Variants in CFAP54 observed in about 807,000 individuals in gnomAD.
CFAP54 encodes cilia and flagella associated protein 54, also known as cilia- and flagella-associated protein 54.
A neutral mutation model predicts 370.4 loss-of-function variants in CFAP54; 290 were observed. That is an observed-to-expected ratio of 0.78 (90% CI 0.71 to 0.86). The LOEUF is 0.86. Ranked by LOEUF, CFAP54 falls within the 40% of genes least tolerant of loss-of-function variation. The pLI is 0.00. For synonymous variants in CFAP54, 1,206 were observed against 1,236.5 expected (o/e 0.98, Z 0.52); for missense variants, 3,399 against 3,528.7 (o/e 0.96, Z 0.93).
At chr12:96,695,146 C>T (rs1011143202) in intron 45 of CFAP54, among the ~76,000 whole-genome samples, 1 of 152,224 alleles carries the variant, frequency 6.6e-6, no homozygotes, top group Non-Finnish European at 1.5e-5. Context: ...CAAGACATCT[C>T]TAACGATGGA....
chr12:96,650,097 G>A (rs1452334751), intron 35 of CFAP54, 25 bp downstream of exon 35: 2 of 1,574,384 alleles, frequency 1.3e-6, no homozygotes, highest in Non-Finnish European at 1.7e-6. Flanking sequence ...CTTGTTTGCA[G>A]TGTAGTAGAC....
chr12:96,521,395 G>C (rs1301883006), intron 6 of CFAP54, among the ~76,000 whole-genome samples: 21 of 152,164 alleles, frequency 1.4e-4, no homozygotes. Context: ...ACAAAAATGA[G>C]TAAGATCCTT....
intron 66 of CFAP54, among the ~76,000 whole-genome samples, chr12:96,852,736 A>G (rs1959584337): frequency 6.6e-6 from 1 of 152,142 alleles, no homozygotes; most frequent in Non-Finnish European, 1.5e-5. Flanking sequence ...AAATTTTTAT[A>G]TATACCCCAA....
At chr12:96,588,714 T>C (rs1473417424) in intron 22 of CFAP54, among the ~76,000 whole-genome samples, 2 of 152,220 alleles carry the variant, frequency 1.3e-5, no homozygotes, top group African/African-American at 4.8e-5. Context: ...AGTGTAGAAC[T>C]CATTTGGTGA....
chr12:96,565,971 C>T (rs1489733540), intron 19 of CFAP54, among the ~76,000 whole-genome samples: 2 of 152,094 alleles, frequency 1.3e-5, no homozygotes, highest in Non-Finnish European at 2.9e-5. Context: ...AGTTAGTTCT[C>T]GCAAGATCTG....
chr12:96,596,541 G>T (rs2136439348), intron 25 of CFAP54, among the ~76,000 whole-genome samples: 1 of 152,132 alleles, frequency 6.6e-6, no homozygotes, highest in Admixed American at 6.5e-5. Context: ...AATAGAGTTT[G>T]ACCCCTATTT....
In CFAP54 at chr12:96,786,589, T is replaced by C. The variant is rs1054911071; in HGVS notation, c.8456-86T>C. ...TAGCGGAGGTGGGAATATGTAACGA[T>C]AGTGGTTAGTGAGCAAATACCAGCA... On this transcript the variant is annotated intron_variant, in intron 61 of 67. Coordinates refer to ENST00000524981, the MANE Select transcript of CFAP54 (RefSeq NM_001306084.2). 8.4e-6 allele frequency: 8 copies of C among 956,612 alleles called. No homozygotes were observed. The African/African-American group carries it at 9.9e-5, about 12-fold the overall frequency. 59.3% of individuals were successfully genotyped at this position (956,612 alleles called of 1,614,324 possible).
chr12:96,799,905 A>G (rs1023511510), intron 63 of CFAP54, among the ~76,000 whole-genome samples: 2 of 152,148 alleles, frequency 1.3e-5, no homozygotes, highest in African/African-American at 4.8e-5. Flanking sequence ...GTTTCCTGAA[A>G]CTTCCATTTT....
intron 11 of CFAP54, among the ~76,000 whole-genome samples, 194 bp from the exon 12 acceptor site, chr12:96,535,321 A>G (rs1182429274): frequency 1.3e-5 from 2 of 152,162 alleles, no homozygotes; most frequent in African/African-American, 4.8e-5. Context: ...AAGTGCTGGG[A>G]TGACAGGCAT....
intron 48 of CFAP54, among the ~76,000 whole-genome samples, chr12:96,715,741 C>A (rs946626049): frequency 6.6e-6 from 1 of 152,096 alleles, no homozygotes; most frequent in Non-Finnish European, 1.5e-5. Context: ...ACAAAAGGCA[C>A]TTTTGGCTTT....
At chr12:96,752,008 T>C (rs1958189146) in intron 55 of CFAP54, among the ~76,000 whole-genome samples, 1 of 151,520 alleles carries the variant, frequency 6.6e-6, no homozygotes, top group Admixed American at 6.6e-5. Flanking sequence ...CGTATTCACT[T>C]TGTCATCTCC....
chr12:96,580,038 CT>C (rs2136424746), intron 20 of CFAP54, among the ~76,000 whole-genome samples: 1 of 151,584 alleles, frequency 6.6e-6, no homozygotes, highest in Non-Finnish European at 1.5e-5. Flanking sequence ...GTGTTTTCTT[CT>C]AGGCTTTTTC....
intron 14 of CFAP54, among the ~76,000 whole-genome samples, chr12:96,545,146 C>A (rs956812008): frequency 4.6e-5 from 7 of 152,128 alleles, no homozygotes; most frequent in African/African-American, 1.7e-4. Context: ...CTCCTGACCT[C>A]AGGTGATCCA....
chr12:96,547,899 C>T lies in CFAP54; in HGVS notation c.2078-3C>T, dbSNP rs1955657408. ...TTCCCTTCCTCCTTCCTTTCTTTTC[C>T]AGATGTACCTTTAAGAGAAGGGACT... is the stretch of plus-strand genomic sequence containing the variant. On this transcript the variant is annotated splice_region_variant and splice_polypyrimidine_tract_variant and intron_variant, in intron 14 of 67. Coordinates refer to ENST00000524981, the MANE Select transcript of CFAP54 (RefSeq NM_001306084.2). 2 of 1,453,584 alleles carry T rather than the reference C, an allele frequency of 1.4e-6. No homozygotes were observed. The highest frequency in any genetic ancestry group is 1.8e-6 in the Non-Finnish European group (2 of 1,092,732). 90.0% of individuals were successfully genotyped at this position (1,453,584 alleles called of 1,614,324 possible).
intron 19 of CFAP54, chr12:96,572,725 T>C (rs981854264): frequency 2.7e-5 from 9 of 328,166 alleles, no homozygotes; most frequent in African/African-American, 2.0e-4. Context: ...GGAATTATCC[T>C]TGGTGTTTGT....
At chr12:96,689,052 A>G (rs1957360052) in intron 43 of CFAP54, 70 bp downstream of exon 43, 7 of 953,168 alleles carry the variant, frequency 7.3e-6, no homozygotes, top group Non-Finnish European at 1.1e-5. Flanking sequence ...AAAAAAGTTT[A>G]TCATATTCAG....
intron 14 of CFAP54, among the ~76,000 whole-genome samples, chr12:96,541,240 A>G (rs561278963): frequency 2.1e-5 from 3 of 143,172 alleles, no homozygotes; most frequent in Non-Finnish European, 4.6e-5. Flanking sequence ...ATTACTGCCT[A>G]CTCCCCTTTA....
Position 96,644,743 on chromosome 12 carries a change from A to G in CFAP54, c.4547+335A>G, listed in dbSNP as rs1215253732. Among the ~76,000 whole-genome samples the G allele has an allele frequency of 3.1e-4, 47 of 152,138 alleles. 1 individual carries two copies. The highest frequency in any genetic ancestry group is 3.1e-3 in the Admixed American group (47 of 15,264). On this transcript the variant is annotated intron_variant, in intron 33 of 67. Coordinates refer to ENST00000524981, the MANE Select transcript of CFAP54 (RefSeq NM_001306084.2). ...TACCATATGCTCATAAAACGATCAG[A>G]TCTTGTGAGACTCATTATCATGAGA...
In CFAP54 at chr12:96,655,204, C is replaced by T. The variant is rs1404911296; in HGVS notation, c.5101-2678C>T. ...CCATATATATGGTTTTTTTTTTCCA[C>T]CAAAGGATTCAAAGCAGTTCAGAGG... is the stretch of plus-strand genomic sequence containing the variant. On this transcript the variant is annotated intron_variant, in intron 36 of 67. Transcript: ENST00000524981. 4.6e-4 allele frequency among the ~76,000 whole-genome samples: 69 copies of T among 148,864 alleles called. 1 individual carries two copies. The highest frequency in any genetic ancestry group is 1.5e-3 in the African/African-American group (62 of 40,506).
Sources: allele counts gnomAD v4.1 joint callset (sites outside exome capture counted in the v4.1 genomes callset), GRCh38; gene constraint gnomAD v4.1.1; transcripts MANE v1.5; gene names NCBI Gene and HGNC (gene_info 2026-07-23, HGNC 2026-07-21).